The following AP2A2 variants were observed in gnomAD, a reference collection of about 807,000 sequenced individuals.
The protein encoded by AP2A2 is adaptor related protein complex 2 subunit alpha 2, also known as AP-2 complex subunit alpha-2.
Under a neutral mutation model 104.2 loss-of-function variants are expected in AP2A2, and 32 were observed. The ratio of observed to expected loss-of-function variants is 0.31; its 90% CI spans 0.23 to 0.41. The LOEUF is 0.41. Ranked by LOEUF, AP2A2 falls within the 10% of genes least tolerant of loss-of-function variation. The probability of loss-of-function intolerance (pLI) is 1.00; values close to 1 mark genes in which losing one functional copy is unlikely to be tolerated. For missense variants in AP2A2, 912 were observed against 1,261.0 expected, an observed-to-expected ratio of 0.72 and a Z score of 4.19; for synonymous variants, 539 against 533.3, an observed-to-expected ratio of 1.01 and a Z score of -0.15.
intron 1 of AP2A2, among the ~76,000 whole-genome samples, chr11:955,705 GC>G (rs1466054228): frequency 6.6e-6 from 1 of 152,332 alleles, no homozygotes; most frequent in Admixed American, 6.5e-5. Flanking sequence ...GGTAGGACTG[GC>G]TCAAAGGAGT....
Position 993,681 on chromosome 11 carries a change from C to T in AP2A2, c.1551-73C>T, listed in dbSNP as rs1390711806. The T allele has an allele frequency of 4.2e-6, 5 of 1,196,044 alleles. No homozygotes were observed. The highest frequency in any genetic ancestry group is 1.9e-5 in the African/African-American group (1 of 52,318). 74.1% of individuals were successfully genotyped at this position (1,196,044 alleles called of 1,614,324 possible). A position where few individuals can be genotyped will look rare whatever the true frequency, so the allele number is the denominator to read the frequency against. Reference sequence around the variant, plus strand: ...CAGGCCAGGGGGTCTCGCCGCCGTCCCCCCCCCGCGGGGGCGTGCTGCAGC... The same window carrying T: ...CAGGCCAGGGGGTCTCGCCGCCGTCTCCCCCCCGCGGGGGCGTGCTGCAGC... On this transcript the variant is annotated intron_variant, in intron 12 of 21. Transcript: ENST00000448903. The surrounding 1 kb of genome is among the most constrained non-coding windows in gnomAD (Gnocchi z 8.2).
intron 1 of AP2A2, among the ~76,000 whole-genome samples, chr11:951,519 T>TC (rs1298546495): frequency 2.6e-5 from 4 of 151,316 alleles, no homozygotes; most frequent in Admixed American, 6.6e-5. Context: ...AGGGCGAGAC[T>TC]CCGTCTCAAA....
intron 1 of AP2A2, among the ~76,000 whole-genome samples, chr11:941,260 C>G (rs938252518): frequency 1.3e-5 from 2 of 152,242 alleles, no homozygotes; most frequent in African/African-American, 2.4e-5. Context: ...GTGCAGCTTG[C>G]TCTCCTTGGC....
intron 3 of AP2A2, 104 bp downstream of exon 3, chr11:970,415 G>A (rs1854777955): frequency 6.9e-7 from 1 of 1,443,086 alleles, no homozygotes; most frequent in African/African-American, 1.4e-5. Flanking sequence ...GCCCACAGCT[G>A]ACGTGAGCCA....
chr11:960,083 G>A (rs1259749914), intron 2 of AP2A2, among the ~76,000 whole-genome samples: 2 of 152,128 alleles, frequency 1.3e-5, no homozygotes. Flanking sequence ...CTTAGCCACG[G>A]TGTAGCTGAA....
chr11:976,540 A>T (rs1855043986), intron 4 of AP2A2, among the ~76,000 whole-genome samples: 1 of 152,082 alleles, frequency 6.6e-6, no homozygotes, highest in Admixed American at 6.6e-5. Flanking sequence ...AGCATGGAAC[A>T]CGTCTGTGCC....
intron 1 of AP2A2, among the ~76,000 whole-genome samples, chr11:945,435 G>A (rs774881954): frequency 3.9e-5 from 6 of 152,170 alleles, no homozygotes; most frequent in Non-Finnish European, 8.8e-5. Flanking sequence ...CTGGGTTCAA[G>A]CGATTCTCCT....
chr11:1,002,932 G>A (rs1318316905), intron 15 of AP2A2, among the ~76,000 whole-genome samples: 2 of 152,252 alleles, frequency 1.3e-5, no homozygotes, highest in African/African-American at 4.8e-5. Context: ...CCACCCTGTG[G>A]TTTGAATCAG....
chr11:988,503 A>G (rs774379835), intron 9 of AP2A2, 49 bp from the exon 10 acceptor site: 2 of 1,592,186 alleles, frequency 1.3e-6, no homozygotes, highest in South Asian at 1.1e-5. Context: ...CCTGTCCCCA[A>G]GCTTGTGCCT....
intron 2 of AP2A2, among the ~76,000 whole-genome samples, chr11:964,398 G>C (rs993368669): frequency 3.3e-5 from 5 of 152,178 alleles, no homozygotes; most frequent in Non-Finnish European, 7.3e-5. Context: ...CAGTCTGTAG[G>C]CTCCATTTTA....
At chr11:945,910 G>A (rs1268624310) in intron 1 of AP2A2, among the ~76,000 whole-genome samples, 1 of 152,158 alleles carries the variant, frequency 6.6e-6, no homozygotes, top group African/African-American at 2.4e-5. Flanking sequence ...CAGAGGAGAC[G>A]GCGAGGATCT....
chr11:940,841 C>G (rs751886019), intron 1 of AP2A2: 9 of 456,128 alleles, frequency 2.0e-5, no homozygotes, highest in Admixed American at 1.2e-4. Flanking sequence ...TGAGGAGGAG[C>G]CTGAATGCTG....
At chr11:941,376 A>G (rs745410422) in intron 1 of AP2A2, among the ~76,000 whole-genome samples, 1 of 152,026 alleles carries the variant, frequency 6.6e-6, no homozygotes, top group Non-Finnish European at 1.5e-5. Context: ...GCCCCCATTT[A>G]TGACTTCTGA....
In AP2A2 at chr11:1,010,679, G is replaced by C. The variant is rs533255911; in HGVS notation, c.*54G>C. The C allele has an allele frequency of 6.9e-7, 1 of 1,459,630 alleles. No homozygotes were observed. Among genetic ancestry groups the C allele is most frequent in the Non-Finnish European group, 9.4e-7 (1 of 1,062,122 alleles). The allele number at this position is 1,459,630 out of a possible 1,614,324, so 90.4% of individuals were successfully genotyped here. On this transcript the variant is annotated 3_prime_UTR_variant, in exon 22 of 22. Coordinates refer to ENST00000448903, the MANE Select transcript of AP2A2 (RefSeq NM_012305.4). ...GTCTTGTGTTGTCTTCGTCTGTGCC[G>C]TTTGTCTTCGTGGCCATCCTGCAGA...
chr11:951,558 C>T (rs7394744), intron 1 of AP2A2, among the ~76,000 whole-genome samples: 126,834 of 152,158 alleles, frequency 0.83, 52,988 homozygotes, highest in Admixed American at 0.91. Context: ...GAGTTTATCC[C>T]TGGTGATGGG....
chr11:997,679 C>T (rs558752956), intron 14 of AP2A2, among the ~76,000 whole-genome samples: 133 of 152,178 alleles, frequency 8.7e-4, no homozygotes, highest in Non-Finnish European at 1.3e-3. Context: ...CTGAGGTGGG[C>T]GGATCACTTG....
chr11:970,351 G>GGGCCTGGCAGGACTGA (rs764253533), intron 3 of AP2A2, 40 bp downstream of exon 3: 1 of 1,603,020 alleles, frequency 6.2e-7, no homozygotes, highest in African/African-American at 1.3e-5. Context: ...AGGATGGCGT[G>GGGCCTGGCAGGACTGA]GGCCTGGCAG....
Position 1,011,454 on chromosome 11 carries a change from G to A in AP2A2, c.*829G>A, listed in dbSNP as rs758010130. Reference sequence around the variant, plus strand: ...GGTGCAGGCCTGAGTCCTTCCACCGGCCCCGTCCAGTCGTCCCTGGAGGGG... The same window carrying A: ...GGTGCAGGCCTGAGTCCTTCCACCGACCCCGTCCAGTCGTCCCTGGAGGGG... On this transcript the variant is annotated 3_prime_UTR_variant, in exon 22 of 22. Coordinates refer to ENST00000448903, the MANE Select transcript of AP2A2 (RefSeq NM_012305.4). The A allele has an allele frequency of 4.0e-6, 2 of 496,292 alleles. No individual in the cohort carries two copies. Among genetic ancestry groups the A allele is most frequent in the Non-Finnish European group, 8.0e-6 (2 of 248,892 alleles). 30.7% of individuals were successfully genotyped at this position (496,292 alleles called of 1,614,324 possible). A position where few individuals can be genotyped will look rare whatever the true frequency, so the allele number is the denominator to read the frequency against.
intron 18 of AP2A2, 188 bp from the exon 19 acceptor site, chr11:1,008,909 GTCC>G (rs1216851610): frequency 1.8e-5 from 11 of 601,612 alleles, no homozygotes; most frequent in Admixed American, 1.5e-4. Context: ...GCCCTGGCCT[GTCC>G]TCCTGTCTGT....
Sources: allele counts gnomAD v4.1 joint callset (sites outside exome capture counted in the v4.1 genomes callset), GRCh38; gene constraint gnomAD v4.1.1; non-coding constraint Gnocchi (gnomAD v3.1); transcripts MANE v1.5; gene names NCBI Gene and HGNC (gene_info 2026-07-23, HGNC 2026-07-21).